FGF14: variants seen among roughly 807,000 people sequenced by gnomAD.
The protein encoded by FGF14 is fibroblast growth factor homologous factor 4.
Under a neutral mutation model 25.5 loss-of-function variants are expected in FGF14, and 5 were observed. That is an observed-to-expected ratio of 0.20 (90% confidence interval 0.10 to 0.41). FGF14 has a LOEUF of 0.41. Ranked by LOEUF, FGF14 falls within the 10% of genes least tolerant of loss-of-function variation. FGF14 has a pLI of 1.00. For synonymous variants in FGF14, 138 were observed against 118.3 expected (o/e 1.17, Z -1.08); for missense variants, 222 against 320.1 (o/e 0.69, Z 2.34).
intron 3 of FGF14, among the ~76,000 whole-genome samples, chr13:101,765,719 T>TATTA (rs1229908328): frequency 7.3e-6 from 1 of 136,184 alleles, no homozygotes; most frequent in Non-Finnish European, 1.5e-5. Context: ...TTATTATTAT[T>TATTA]TTATTTATTT....
intron 1 of FGF14, among the ~76,000 whole-genome samples, chr13:102,236,226 G>T (rs1268276381): frequency 1.3e-5 from 2 of 152,090 alleles, no homozygotes; most frequent in Non-Finnish European, 2.9e-5. Flanking sequence ...TTACTTTGTG[G>T]ACTTGCCCGA....
At chr13:102,003,288 C>A (rs966271201) in intron 1 of FGF14, 4 of 152,086 alleles carry the variant, frequency 2.6e-5, no homozygotes, top group African/African-American at 9.7e-5. Context: ...ATTGAATACT[C>A]CCTGTGAATA....
intron 3 of FGF14, among the ~76,000 whole-genome samples, chr13:101,821,031 T>C (rs2042119086): frequency 6.8e-6 from 1 of 147,472 alleles, no homozygotes; most frequent in Non-Finnish European, 1.5e-5. Flanking sequence ...CACTGCAGGC[T>C]CCGCCCCCCG....
chr13:101,877,628 A>G (rs1372615861), intron 1 of FGF14, among the ~76,000 whole-genome samples: 1 of 152,224 alleles, frequency 6.6e-6, no homozygotes, highest in African/African-American at 2.4e-5. Flanking sequence ...AATAAAATGC[A>G]AATCAAATCT....
At chr13:102,154,659 C>G (rs983540928) in intron 1 of FGF14, among the ~76,000 whole-genome samples, 2 of 152,042 alleles carry the variant, frequency 1.3e-5, no homozygotes, top group Non-Finnish European at 2.9e-5. Flanking sequence ...CAAATTCACA[C>G]ATAACAATAT....
intron 1 of FGF14, among the ~76,000 whole-genome samples, chr13:102,392,120 A>G (rs1292307651): frequency 6.6e-6 from 1 of 152,258 alleles, no homozygotes; most frequent in East Asian, 1.9e-4. Context: ...AGGTTACCAC[A>G]CACTTCAGTG....
intron 1 of FGF14, among the ~76,000 whole-genome samples, chr13:102,112,230 G>C (rs1245465272): frequency 6.6e-6 from 1 of 152,170 alleles, no homozygotes; most frequent in African/African-American, 2.4e-5. Flanking sequence ...AATAGGTCAG[G>C]CTTCGAGCCC....
intron 3 of FGF14, among the ~76,000 whole-genome samples, chr13:101,836,648 A>G (rs1378705149): frequency 2.6e-5 from 4 of 152,044 alleles, no homozygotes; most frequent in African/African-American, 9.7e-5. Flanking sequence ...GTATTCATAT[A>G]CCTTATTAGT....
At chr13:101,863,307 GA>G (rs2044521714) in intron 3 of FGF14, among the ~76,000 whole-genome samples, 1 of 152,166 alleles carries the variant, frequency 6.6e-6, no homozygotes, top group Admixed American at 6.6e-5. Flanking sequence ...CTCCCAGGGA[GA>G]ATGAAAGGCT....
intron 1 of FGF14, among the ~76,000 whole-genome samples, chr13:102,173,379 G>A (rs2048323803): frequency 6.6e-6 from 1 of 152,102 alleles, no homozygotes; most frequent in South Asian, 2.1e-4. Flanking sequence ...ACTGTTAGTA[G>A]GAATGTAAAA....
At chr13:101,934,763 A>AC (rs2034990457) in intron 1 of FGF14, among the ~76,000 whole-genome samples, 2 of 152,038 alleles carry the variant, frequency 1.3e-5, no homozygotes, top group Admixed American at 1.3e-4. Flanking sequence ...ATACATGAAG[A>AC]CCCCCTGATG....
intron 1 of FGF14, among the ~76,000 whole-genome samples, chr13:102,302,886 A>G (rs188344516): frequency 6.2e-4 from 94 of 152,214 alleles, no homozygotes; most frequent in Admixed American, 1.2e-3. Flanking sequence ...TTCCTACACA[A>G]TAGCCAGAGT....
intron 1 of FGF14, among the ~76,000 whole-genome samples, chr13:101,981,647 AAACAAC>A (rs952648702): frequency 3.3e-5 from 3 of 91,748 alleles, no homozygotes; most frequent in Admixed American, 1.2e-4. Context: ...CATAATTAAA[AAACAAC>A]AACAACAACA....
chr13:102,199,528 C>T (rs552772039), intron 1 of FGF14, among the ~76,000 whole-genome samples: 12 of 152,220 alleles, frequency 7.9e-5, no homozygotes, highest in African/African-American at 2.9e-4. Context: ...AGCCAGAAAC[C>T]CAATCTTTGA....
intron 1 of FGF14, among the ~76,000 whole-genome samples, chr13:102,031,985 CTGGCACAGG>C: frequency 6.6e-6 from 1 of 152,206 alleles, no homozygotes; most frequent in Non-Finnish European, 1.5e-5. Flanking sequence ...CATTAGCCTC[CTGGCACAGG>C]AATCATAAAA....
intron 1 of FGF14, among the ~76,000 whole-genome samples, chr13:101,984,639 C>T (rs956482071): frequency 6.6e-6 from 1 of 152,116 alleles, no homozygotes; most frequent in Non-Finnish European, 1.5e-5. Flanking sequence ...AAGTCCATCA[C>T]AACTATCAAT....
At chr13:102,049,704 T>C (rs2042136635) in intron 1 of FGF14, among the ~76,000 whole-genome samples, 1 of 152,086 alleles carries the variant, frequency 6.6e-6, no homozygotes, top group African/African-American at 2.4e-5. Context: ...TAATGCAATA[T>C]GACTAGCATC....
intron 3 of FGF14, among the ~76,000 whole-genome samples, chr13:101,755,093 T>C (rs889833271): frequency 2.0e-5 from 3 of 152,216 alleles, no homozygotes; most frequent in African/African-American, 7.2e-5. Context: ...ATATGTGATA[T>C]AGTAATCATA....
At chr13:101,998,219 C>A (rs1257482611) in intron 1 of FGF14, among the ~76,000 whole-genome samples, 1 of 152,096 alleles carries the variant, frequency 6.6e-6, no homozygotes, top group Admixed American at 6.5e-5. Context: ...GGAGAATGCA[C>A]CATAGGACTT....
Sources: gnomAD v4.1 joint callset for allele counts (sites outside exome capture counted in the v4.1 genomes callset) on GRCh38, gnomAD v4.1.1 for gene constraint, MANE v1.5 for transcripts, NCBI Gene and HGNC (gene_info 2026-07-23, HGNC 2026-07-21) for gene names.